Variants in SEL1L3 observed in about 807,000 individuals in gnomAD.
SEL1L3 encodes the protein protein sel-1 homolog 3.
A neutral mutation model predicts 142.8 loss-of-function variants in SEL1L3; 76 were observed. The observed-to-expected ratio is 0.53, with a 90% CI of 0.44 to 0.64. The LOEUF is 0.64. Among genes scored for constraint, SEL1L3 ranks in the 30% least tolerant of loss-of-function variants. The pLI, the probability that SEL1L3 is intolerant of heterozygous loss-of-function variation, is 0.00. For missense variants in SEL1L3, 1,262 were observed against 1,381.7 expected, an observed-to-expected ratio of 0.91 and a Z score of 1.37; for synonymous variants, 504 against 519.6, an observed-to-expected ratio of 0.97 and a Z score of 0.41.
upstream of SEL1L3, chr4:25,863,517 G>C (rs994355514): frequency 1.4e-6 from 1 of 702,720 alleles, no homozygotes. Context: ...CGCCATTCCC[G>C]CAGGGCGCAG....
rs890127668 is a variant in SEL1L3 at position 25,748,230 on chromosome 4, C to A, written c.*195G>T. On this transcript the variant is annotated 3_prime_UTR_variant, in exon 24 of 24. Transcript: ENST00000399878. ...GATGTTCCTTGTATGTGTTTGATGA[C>A]CTTTGGTATTACCACTGCCTGATCT... is the stretch of plus-strand genomic sequence containing the variant. 1.7e-5 allele frequency: 10 copies of A among 578,338 alleles called. No individual in the cohort carries two copies. Among genetic ancestry groups the A allele is most frequent in the Non-Finnish European group, 3.1e-5 (10 of 326,244 alleles). The allele number at this position is 578,338 out of a possible 1,614,324, so 35.8% of individuals were successfully genotyped here. A position where few individuals can be genotyped will look rare whatever the true frequency, so the allele number is the denominator to read the frequency against.
chr4:25,775,359 G>A (rs1030867814), intron 17 of SEL1L3, among the ~76,000 whole-genome samples: 4 of 152,174 alleles, frequency 2.6e-5, no homozygotes, highest in African/African-American at 4.8e-5. Flanking sequence ...TGTTGGTTGC[G>A]TGTGCAGCCA....
intron 7 of SEL1L3, among the ~76,000 whole-genome samples, 155 bp from the exon 8 acceptor site, chr4:25,820,095 G>T (rs114017835): frequency 1.1e-3 from 168 of 152,304 alleles, no homozygotes; most frequent in Non-Finnish European, 1.9e-3. Context: ...GCAAAGCAAG[G>T]TCATTGGTAC....
chr4:25,802,282 C>T lies in SEL1L3; in HGVS notation c.1956+1G>A, dbSNP rs1713233100. On this transcript the variant is annotated splice_donor_variant, in intron 11 of 23. Coordinates refer to ENST00000399878, the MANE Select transcript of SEL1L3 (RefSeq NM_015187.5). LOFTEE classifies it high-confidence loss of function. ...TTCCCAACCTTTTTTCTCTCTCATA[C>T]CTGATCTCCTTGCAGTGTGTGCTGG... 6.2e-7 allele frequency: 1 copy of T among 1,611,156 alleles called. No homozygotes were observed. Among genetic ancestry groups the T allele is most frequent in the South Asian group, 1.1e-5 (1 of 90,770 alleles).
At chr4:25,849,946 G>C (rs1716775103) in intron 1 of SEL1L3, among the ~76,000 whole-genome samples, 1 of 152,162 alleles carries the variant, frequency 6.6e-6, no homozygotes, top group African/African-American at 2.4e-5. Flanking sequence ...GGAAGGTCTG[G>C]GATAGGCTTT....
the SEL1L3 span, among the ~76,000 whole-genome samples, chr4:25,736,475 C>T: frequency 0.011 from 1,708 of 152,170 alleles, 33 homozygotes; most frequent in African/African-American, 0.039. Flanking sequence ...CCACCCTCCT[C>T]GGCCTCCCAA....
chr4:25,723,084 C>G, the SEL1L3 span, among the ~76,000 whole-genome samples: 4 of 152,102 alleles, frequency 2.6e-5, no homozygotes, highest in African/African-American at 9.7e-5. Context: ...ATGCCAGGTG[C>G]TAATAATGAG....
chr4:25,729,803 A>C, the SEL1L3 span, among the ~76,000 whole-genome samples: 1 of 152,218 alleles, frequency 6.6e-6, no homozygotes, highest in African/African-American at 2.4e-5. Flanking sequence ...GCCTGTGTTC[A>C]GTATCAATCG....
chr4:25,756,745 C>A, intron 23 of SEL1L3: 3 of 1,125,536 alleles, frequency 2.7e-6, no homozygotes, highest in Non-Finnish European at 3.3e-6. Context: ...CTTTACGATT[C>A]CTGCTCAGTC....
chr4:25,807,598 C>T (rs1293811875), intron 9 of SEL1L3, among the ~76,000 whole-genome samples: 3 of 152,054 alleles, frequency 2.0e-5, no homozygotes, highest in African/African-American at 7.2e-5. Context: ...ATCCCTGCCT[C>T]ACCTATTCTG....
At chr4:25,725,643 GA>G in the SEL1L3 span, among the ~76,000 whole-genome samples, 1 of 152,052 alleles carries the variant, frequency 6.6e-6, no homozygotes, top group Non-Finnish European at 1.5e-5. Flanking sequence ...GTTATTTCCT[GA>G]TTATACGCTA....
At chr4:25,836,312 C>T (rs2109290817) in intron 2 of SEL1L3, among the ~76,000 whole-genome samples, 1 of 152,264 alleles carries the variant, frequency 6.6e-6, no homozygotes, top group Admixed American at 6.5e-5. Context: ...TTCTCCCCAA[C>T]TAAAGAAAAG....
Position 25,757,721 on chromosome 4 carries a change from C to T in SEL1L3, c.3153G>A (p.Arg1051=), listed in dbSNP as rs748267700. 5 of 1,598,184 alleles carry T rather than the reference C, an allele frequency of 3.1e-6. No homozygotes were observed. The highest frequency in any genetic ancestry group is 4.3e-6 in the Non-Finnish European group (5 of 1,172,618). Residue 1051 remains arginine (R), a synonymous_variant, in exon 22 of 24, where the codon CGG becomes CGA. Transcript: ENST00000399878. ...CSLAWLYLHL[R]LLWGAILHSA... ...AGTGCAGGATAGCACCCCAGAGAAG[C>T]CGCAAGTGCAGGTAAAGCCAGGCCA...
intron 6 of SEL1L3, among the ~76,000 whole-genome samples, chr4:25,824,439 A>T (rs1020338845): frequency 5.3e-5 from 8 of 152,228 alleles, no homozygotes; most frequent in Non-Finnish European, 1.2e-4. Context: ...TAGTAATAGT[A>T]CCTGCCTGTA....
intron 23 of SEL1L3, 78 bp downstream of exon 23, chr4:25,757,456 C>CAAAA (rs1560277078): frequency 1.7e-5 from 9 of 527,154 alleles, no homozygotes; most frequent in East Asian, 5.4e-5. Flanking sequence ...TTCCAGTAGA[C>CAAAA]CAAAAAAAAA....
chr4:25,839,771 T>G (rs1397131162), intron 2 of SEL1L3, among the ~76,000 whole-genome samples: 2 of 152,170 alleles, frequency 1.3e-5, no homozygotes, highest in East Asian at 1.9e-4. Context: ...TTAAATTTTT[T>G]TATTGTTACC....
intron 14 of SEL1L3, among the ~76,000 whole-genome samples, chr4:25,782,991 A>AT (rs1560296449): frequency 1.3e-5 from 2 of 152,234 alleles, no homozygotes; most frequent in African/African-American, 4.8e-5. Flanking sequence ...AAGAATGAGA[A>AT]TCATATAACA....
chr4:25,757,030 G>A, intron 23 of SEL1L3: 1 of 1,024,208 alleles, frequency 9.8e-7, no homozygotes, highest in Non-Finnish European at 1.2e-6. Context: ...CACTTCAGGA[G>A]GATGAGGCAG....
At chr4:25,793,386 T>C (rs545765988) in intron 11 of SEL1L3, among the ~76,000 whole-genome samples, 1 of 152,238 alleles carries the variant, frequency 6.6e-6, no homozygotes, top group South Asian at 2.1e-4. Flanking sequence ...TGAGCTCAAG[T>C]GATCCTCCCA....
Sources: gnomAD v4.1 joint callset for allele counts (sites outside exome capture counted in the v4.1 genomes callset) on GRCh38, gnomAD v4.1.1 for gene constraint, MANE v1.5 for transcripts, NCBI Gene and HGNC (gene_info 2026-07-23, HGNC 2026-07-21) for gene names.